Variants in NUP107 observed in about 807,000 individuals in gnomAD.
The protein encoded by NUP107 is nuclear pore complex protein Nup107.
Under a neutral mutation model 141.0 loss-of-function variants are expected in NUP107, and 101 were observed. The observed-to-expected ratio is 0.72, with a 90% confidence interval of 0.61 to 0.84. The LOEUF is 0.84. Among genes scored for constraint, NUP107 ranks in the 40% least tolerant of loss-of-function variants. The pLI is 0.00. For synonymous variants in NUP107, 319 were observed against 363.9 expected, an observed-to-expected ratio of 0.88 and a Z score of 1.41; for missense variants, 941 against 1,102.7, an observed-to-expected ratio of 0.85 and a Z score of 2.08.
intron 7 of NUP107, among the ~76,000 whole-genome samples, chr12:68,701,785 A>G (rs1444087909): frequency 6.6e-6 from 1 of 152,172 alleles, no homozygotes; most frequent in Non-Finnish European, 1.5e-5. Context: ...TGGATTTCAT[A>G]TTAATATATA....
chr12:68,737,859 A>G (rs958149225), intron 26 of NUP107, among the ~76,000 whole-genome samples: 3 of 152,152 alleles, frequency 2.0e-5, no homozygotes, highest in Admixed American at 6.5e-5. Context: ...TTGTAATTCT[A>G]TCTGGGAACG....
chr12:68,722,360 T>C (rs1877391681), intron 17 of NUP107, among the ~76,000 whole-genome samples: 1 of 152,176 alleles, frequency 6.6e-6, no homozygotes, highest in Non-Finnish European at 1.5e-5. Context: ...TCTAAGTATA[T>C]GCACGTAAGC....
At chr12:68,714,010 GT>G in intron 11 of NUP107, 1 of 514,066 alleles carries the variant, frequency 1.9e-6, no homozygotes, top group Non-Finnish European at 3.4e-6. Context: ...TAAGTAATAA[GT>G]TGTGGAAAGT....
chr12:68,708,489 G>A (rs767543984), intron 8 of NUP107, among the ~76,000 whole-genome samples: 1 of 152,120 alleles, frequency 6.6e-6, no homozygotes, highest in African/African-American at 2.4e-5. Flanking sequence ...TTTAAAGTCA[G>A]TTGTAAGAGC....
chr12:68,733,431 A>G lies in NUP107; in HGVS notation c.2102-21A>G, dbSNP rs576675160. 10 of 1,600,256 alleles carry G rather than the reference A, an allele frequency of 6.2e-6. No individual in the cohort carries two copies. In the South Asian group the frequency reaches 1.0e-4, roughly 16 times the overall value. On this transcript the variant is annotated intron_variant, in intron 23 of 27. Transcript: ENST00000229179. ...ACAGAGAAGTCCGTAGGCATTCAAA[A>G]TTGTGTATCTTTTTTCACAGCATCA...
chr12:68,687,119 G>T, intron 1 of NUP107, 46 bp downstream of exon 1: 6 of 1,612,822 alleles, frequency 3.7e-6, no homozygotes, highest in African/African-American at 1.3e-5. Context: ...TGCCCGTCTC[G>T]CCTGTTGGCG....
intron 1 of NUP107, 147 bp from the exon 2 acceptor site, chr12:68,688,815 C>A: frequency 2.0e-6 from 1 of 497,364 alleles, no homozygotes; most frequent in Non-Finnish European, 3.6e-6. Flanking sequence ...GCCAGGAGTG[C>A]GTTCTCAACA....
intron 12 of NUP107, among the ~76,000 whole-genome samples, chr12:68,718,881 TGTA>T (rs1877227923): frequency 6.6e-6 from 1 of 151,970 alleles, no homozygotes; most frequent in Non-Finnish European, 1.5e-5. Flanking sequence ...TATGTATGTA[TGTA>T]TGTATGTATT....
intron 2 of NUP107, 110 bp from the exon 3 acceptor site, chr12:68,689,423 A>C (rs1270638224): frequency 1.5e-6 from 1 of 660,858 alleles, no homozygotes; most frequent in African/African-American, 1.9e-5. Context: ...GCCCTAAAAT[A>C]CTTGTTCTTG....
At chr12:68,706,989 G>C (rs1282945794) in intron 8 of NUP107, 1 of 634,226 alleles carries the variant, frequency 1.6e-6, no homozygotes, top group Non-Finnish European at 2.8e-6. Context: ...AGCTGCACCA[G>C]CTCCACCAGG....
At position 68,731,661 on chromosome 12, in the gene NUP107, A is replaced by G. The variant is rs200624367; in HGVS notation, c.1940A>G (p.Asp647Gly). The G allele has an allele frequency of 6.3e-7, 1 of 1,588,946 alleles. No individual in the cohort carries two copies. Among genetic ancestry groups the G allele is most frequent in the Non-Finnish European group, 8.5e-7 (1 of 1,173,504 alleles). The change falls in exon 22 of 28, where the codon GAT (aspartate) becomes GGT (glycine). Residue 647 changes from aspartate (D) to glycine (G), a missense_variant. Physicochemically the swap from Asp to Gly is moderately conservative, Grantham distance 94. Transcript: ENST00000229179. ...KTVVENIRKK[D>G]NGEFSHHDLA... ...GTAGTTGAGAATATTCGAAAGAAAGATAATGGTGAATTTAGTCATCATGAC... is the reference window on the plus strand; with the variant it reads ...GTAGTTGAGAATATTCGAAAGAAAGGTAATGGTGAATTTAGTCATCATGAC...
chr12:68,701,254 A>G (rs1029083106), intron 7 of NUP107, among the ~76,000 whole-genome samples: 6 of 152,228 alleles, frequency 3.9e-5, no homozygotes, highest in Non-Finnish European at 8.8e-5. Flanking sequence ...ACCTAAGAAA[A>G]TAATGAGAAA....
At chr12:68,734,974 A>G (rs1011451943) in intron 25 of NUP107, 141 bp downstream of exon 25, 7 of 1,024,330 alleles carry the variant, frequency 6.8e-6, no homozygotes, top group Non-Finnish European at 8.4e-6. Context: ...GGAAGATGCA[A>G]TCTGTTTAGT....
chr12:68,731,127 A>G lies in NUP107; in HGVS notation c.1752A>G (p.Lys584=), dbSNP rs774732628. Residue 584 remains lysine, a synonymous_variant, in exon 21 of 28, where the codon AAA becomes AAG. Coordinates refer to ENST00000229179, the MANE Select transcript of NUP107 (RefSeq NM_020401.4). ...KTYIQLLIRE[K]HTNLIAFYTC... is the part of the protein sequence containing the mutation. The stretch of plus-strand genomic sequence containing the variant: ...TTTTTTAGCTTTTAATAAGAGAGAA[A>G]CATACAAATCTTATAGCATTTTATA... 1 of 1,589,102 alleles carries G rather than the reference A, an allele frequency of 6.3e-7. No individual in the cohort carries two copies. Among genetic ancestry groups the G allele is most frequent in the Admixed American group, 1.9e-5 (1 of 53,948 alleles).
At chr12:68,716,325 C>T (rs1877112913) in intron 12 of NUP107, among the ~76,000 whole-genome samples, 1 of 150,376 alleles carries the variant, frequency 6.6e-6, no homozygotes, top group South Asian at 2.1e-4. Context: ...CAGTCCTTAC[C>T]TCCCGGGCTC....
Position 68,742,997 on chromosome 12 carries a change from T to A in NUP107, c.*535T>A, listed in dbSNP as rs1011186066. The A allele has an allele frequency of 1.3e-5, 2 of 152,534 alleles. No homozygotes were observed. Among genetic ancestry groups the A allele is most frequent in the African/African-American group, 4.8e-5 (2 of 41,458 alleles). 9.4% of individuals were successfully genotyped at this position (152,534 alleles called of 1,614,324 possible). The stretch of plus-strand genomic sequence containing the variant: ...ATCAAAATAAGAGCATATAAAGACT[T>A]AGCGTAGTACCTGGCACACAGTAAG... On this transcript the variant is annotated 3_prime_UTR_variant, in exon 28 of 28. Transcript: ENST00000229179.
At chr12:68,715,460 C>T (rs1480941674) in intron 11 of NUP107, among the ~76,000 whole-genome samples, 167 bp from the exon 12 acceptor site, 1 of 152,102 alleles carries the variant, frequency 6.6e-6, no homozygotes, top group Admixed American at 6.6e-5. Context: ...CGCCACTGCA[C>T]TCCAGCCTGG....
chr12:68,710,013 A>G lies in NUP107; in HGVS notation c.810A>G (p.Val270=). The change falls in exon 10 of 28, where the codon GTA becomes GTG. Residue 270 remains valine (V), a synonymous_variant. Transcript: ENST00000229179. ...DSLVRQSQLV[V]DWLESIAKDE... ...TTTTCTTTCTTTCTTAGCTGGTGGTAGATTGGTTAGAGAGTATTGCCAAAG... is the reference window on the plus strand; with the variant it reads ...TTTTCTTTCTTTCTTAGCTGGTGGTGGATTGGTTAGAGAGTATTGCCAAAG... The G allele has an allele frequency of 6.3e-7, 1 of 1,580,896 alleles. No homozygotes were observed. The highest frequency in any genetic ancestry group is 8.7e-7 in the Non-Finnish European group (1 of 1,153,976).
chr12:68,688,832 C>A (rs921070526), intron 1 of NUP107, 130 bp from the exon 2 acceptor site: 3 of 546,876 alleles, frequency 5.5e-6, no homozygotes, highest in Non-Finnish European at 9.5e-6. Flanking sequence ...AACAAAAGAT[C>A]TAAGACTTGG....
Sources: gnomAD v4.1 joint callset for allele counts (sites outside exome capture counted in the v4.1 genomes callset) on GRCh38, gnomAD v4.1.1 for gene constraint, MANE v1.5 for transcripts, NCBI Gene and HGNC (gene_info 2026-07-23, HGNC 2026-07-21) for gene names.